POLM: variants seen among roughly 807,000 people sequenced by gnomAD.
POLM encodes the protein DNA polymerase mu, also known as DNA-directed DNA/RNA polymerase mu.
POLM carries 52 observed loss-of-function variants against 56.7 expected under a neutral mutation model. That is an observed-to-expected ratio of 0.92 (90% CI 0.73 to 1.15). The LOEUF (loss-of-function observed/expected upper bound fraction) is 1.15, where lower values mean the gene tolerates loss of function less well. Among genes scored for constraint, POLM ranks in the 50% most tolerant of loss-of-function variants. POLM has a pLI of 0.00. For missense variants in POLM, 660 were observed against 663.6 expected, an observed-to-expected ratio of 0.99 and a Z score of 0.06; for synonymous variants, 273 against 274.3, an observed-to-expected ratio of 1.00 and a Z score of 0.05.
At chr7:44,074,807 T>G (rs2096179419) in intron 6 of POLM, among the ~76,000 whole-genome samples, 1 of 152,224 alleles carries the variant, frequency 6.6e-6, no homozygotes, top group Admixed American at 6.5e-5. Context: ...CCCATGTGCC[T>G]TTTACCCAGC....
Position 44,080,774 on chromosome 7 carries a change from C to T in POLM, c.331G>A (p.Ala111Thr). 1.2e-6 allele frequency: 2 copies of T among 1,614,096 alleles called. No individual in the cohort carries two copies. Among genetic ancestry groups the T allele is most frequent in the Non-Finnish European group, 1.7e-6 (2 of 1,180,018 alleles). Residue 111 changes from alanine (A) to threonine (T), a missense_variant, in exon 2 of 11, where the codon GCT becomes ACT. Coordinates refer to ENST00000242248, the MANE Select transcript of POLM (RefSeq NM_013284.4). ...DISWLTESLG[A>T]GQPVPVECRH... ...CACTCCACAGGTACAGGCTGCCCAGCTCCCAGGCTCTCTGTTAACCAGCTT... is the reference window on the plus strand; with the variant it reads ...CACTCCACAGGTACAGGCTGCCCAGTTCCCAGGCTCTCTGTTAACCAGCTT...
chr7:44,081,744 C>CTTTT (rs1183469734), intron 1 of POLM, among the ~76,000 whole-genome samples: 2,712 of 125,322 alleles, frequency 0.022, 169 homozygotes, highest in African/African-American at 0.081. Context: ...GCAAATACGA[C>CTTTT]TTTTTTTTTT....
chr7:44,076,747 AC>A, intron 5 of POLM, 118 bp from the exon 6 acceptor site: 1 of 1,277,656 alleles, frequency 7.8e-7, no homozygotes, highest in Non-Finnish European at 1.1e-6. Flanking sequence ...CGCCGTCCCC[AC>A]TCGCAACCTG....
Position 44,074,139 on chromosome 7 carries a change from G to A in POLM, c.1063C>T (p.Gln355Ter). The A allele has an allele frequency of 1.2e-6, 2 of 1,604,450 alleles. No individual in the cohort carries two copies. Among genetic ancestry groups the A allele is most frequent in the South Asian group, 1.1e-5 (1 of 90,276 alleles). Residue 355 changes from glutamine (Q) to a stop codon, truncating the protein, a stop_gained, in exon 8 of 11, where the codon CAG (glutamine) becomes TAG (stop). Transcript: ENST00000242248. LOFTEE classifies it high-confidence loss of function. ...GLLPRVMCRL[Q>*]DQGLILYHQH... ...AGCAGGGAGGCCCTCACCTGGTCCTGCAGGCGGCACATCACTCTAGGCAGC... is the reference window on the plus strand; with the variant it reads ...AGCAGGGAGGCCCTCACCTGGTCCTACAGGCGGCACATCACTCTAGGCAGC...
chr7:44,073,047 A>G lies in POLM; in HGVS notation c.*244T>C. 1.4e-5 allele frequency: 19 copies of G among 1,402,828 alleles called. No individual in the cohort carries two copies. Among genetic ancestry groups the G allele is most frequent in the Non-Finnish European group, 1.7e-5 (18 of 1,070,626 alleles). The allele number at this position is 1,402,828 out of a possible 1,614,324, so 86.9% of individuals were successfully genotyped here. A position where few individuals can be genotyped will look rare whatever the true frequency, so the allele number is the denominator to read the frequency against. ...AGGAACGTGAGCCATGGGGAGGCTA[A>G]GAGCAGACCCAGGGTCACACAGTGA... On this transcript the variant is annotated 3_prime_UTR_variant, in exon 11 of 11. Coordinates refer to ENST00000242248, the MANE Select transcript of POLM (RefSeq NM_013284.4).
rs2096176992 is a variant in POLM, at chr7:44,074,230, C to T, written c.972G>A (p.Gly324=). ...TVTLTGGFRR[G]KLQGHDVDFL... is the part of the protein sequence containing the mutation. ...AGTCCACGTCATGGCCCTGCAACTT[C>T]CCCCTGAGGGCGTCAGTCTGACTCT... Residue 324 remains glycine (G), a synonymous_variant, in exon 8 of 11, where the codon GGG becomes GGA. Coordinates refer to ENST00000242248, the MANE Select transcript of POLM (RefSeq NM_013284.4). The T allele has an allele frequency of 1.9e-6, 3 of 1,576,322 alleles. No homozygotes were observed. The highest frequency in any genetic ancestry group is 1.9e-5 in the Admixed American group (1 of 53,726).
rs904457088 is a variant in POLM, at chr7:44,074,488, G to A, written c.878C>T (p.Ser293Phe). ...HQDLSTPVLR[S>F]DVDALQQVVE... ...CACCTGCTGCAGGGCATCTACATCG[G>A]ACCGCAGGACTGGGGTGCTCAGGTC... The change falls in exon 7 of 11, where the codon TCC becomes TTC. Residue 293 changes from serine (S) to phenylalanine (F), a missense_variant. Physicochemically the swap from Ser to Phe is radical, Grantham distance 155. Coordinates refer to ENST00000242248, the MANE Select transcript of POLM (RefSeq NM_013284.4). 8.8e-6 allele frequency: 14 copies of A among 1,598,252 alleles called. No homozygotes were observed. Among genetic ancestry groups the A allele is most frequent in the Non-Finnish European group, 1.2e-5 (14 of 1,172,976 alleles).
chr7:44,073,412 T>A (rs2096173799), intron 10 of POLM, 35 bp from the exon 11 acceptor site: 1 of 1,606,204 alleles, frequency 6.2e-7, no homozygotes, highest in African/African-American at 1.3e-5. Flanking sequence ...GACCTAGGAG[T>A]CTTGCCACTG....
rs772559667 is a variant in POLM, at chr7:44,079,755, C to A, written c.472-14G>T. On this transcript the variant is annotated splice_polypyrimidine_tract_variant and intron_variant, in intron 3 of 10. Coordinates refer to ENST00000242248, the MANE Select transcript of POLM (RefSeq NM_013284.4). The stretch of plus-strand genomic sequence containing the variant: ...CTCCAGAGCCTCCTGCAGGGAGGGG[C>A]CCTAGGTAAGGGGCAGGGTGGGCAG... 23 of 1,609,466 alleles carry A rather than the reference C, an allele frequency of 1.4e-5. 1 individual carries two copies. In the South Asian group the frequency reaches 2.2e-4, roughly 15 times the overall value.
At chr7:44,079,805 T>C (rs1451124579) in intron 3 of POLM, 56 bp downstream of exon 3, 4 of 1,611,146 alleles carry the variant, frequency 2.5e-6, no homozygotes, top group Non-Finnish European at 3.4e-6. Flanking sequence ...CTACCACCCA[T>C]CTGTACCCTT....
rs2096195137 is a variant in POLM at position 44,079,978 on chromosome 7, C to T, written c.373-19G>A. On this transcript the variant is annotated intron_variant, in intron 2 of 10. Transcript: ENST00000242248. The stretch of plus-strand genomic sequence containing the variant: ...CAGCCACCTGGGGATGGGCAATAAA[C>T]AGGTCACTGTGAGGCTGCAGGGCTG... 6.4e-7 allele frequency: 1 copy of T among 1,565,716 alleles called. No individual in the cohort carries two copies. Among genetic ancestry groups the T allele is most frequent in the African/African-American group, 1.4e-5 (1 of 73,896 alleles).
rs2096172143 is a variant in POLM, at chr7:44,072,861, T to C, written c.*430A>G. ...CTCTCAAATGCAGTGCAGGTATGCA[T>C]GGTTCTCTTCTGGGCATTCTGGGCA... On this transcript the variant is annotated 3_prime_UTR_variant, in exon 11 of 11. Coordinates refer to ENST00000242248, the MANE Select transcript of POLM (RefSeq NM_013284.4). 2.2e-6 allele frequency: 1 copy of C among 449,896 alleles called. No individual in the cohort carries two copies. Among genetic ancestry groups the C allele is most frequent in the African/African-American group, 1.9e-5 (1 of 51,614 alleles). 27.9% of individuals were successfully genotyped at this position (449,896 alleles called of 1,614,324 possible).
intron 4 of POLM, among the ~76,000 whole-genome samples, chr7:44,079,039 T>A (rs1009545512): frequency 1.3e-5 from 2 of 152,144 alleles, no homozygotes; most frequent in Non-Finnish European, 2.9e-5. Flanking sequence ...GGCTCCAGCC[T>A]CAAAGCTCCT....
In POLM at chr7:44,073,880, G is replaced by A. The variant is rs1237568714; in HGVS notation, c.1217C>T (p.Thr406Met). 15 of 1,614,120 alleles carry A rather than the reference G, an allele frequency of 9.3e-6. No individual in the cohort carries two copies. Among genetic ancestry groups the A allele is most frequent in the Middle Eastern group, 3.3e-4 (2 of 6,084 alleles). Residue 406 changes from threonine to methionine, a missense_variant, in exon 9 of 11, where the codon ACG becomes ATG. By Grantham distance (81) the Thr-to-Met change is moderately conservative. Coordinates refer to ENST00000242248, the MANE Select transcript of POLM (RefSeq NM_013284.4). ...QPPGAAVGGS[T>M]RPCPSWKAVR... The stretch of plus-strand genomic sequence containing the variant: ...GGCCTTCCAGGATGGGCAGGGCCTC[G>A]TGGATCCCCCCACAGCAGCCCCTGG...
chr7:44,074,069 G>C (rs768679954), intron 8 of POLM, 44 bp from the exon 9 acceptor site: 1 of 1,608,380 alleles, frequency 6.2e-7, no homozygotes, highest in Non-Finnish European at 8.5e-7. Flanking sequence ...CGGTGGTGTG[G>C]AGAGAGCAGG....
intron 5 of POLM, 148 bp downstream of exon 5, chr7:44,078,592 G>A (rs2096190170): frequency 1.5e-6 from 1 of 662,626 alleles, no homozygotes; most frequent in East Asian, 2.7e-5. Context: ...TCAGGTATCA[G>A]CTTAGCTGCC....
At chr7:44,079,345 G>T (rs1358627352) in intron 4 of POLM, among the ~76,000 whole-genome samples, 2 of 152,144 alleles carry the variant, frequency 1.3e-5, no homozygotes, top group Non-Finnish European at 2.9e-5. Context: ...GCCCTGCCAG[G>T]CCCCTCACAG....
chr7:44,077,897 A>T (rs558871957), intron 5 of POLM, among the ~76,000 whole-genome samples: 1 of 152,340 alleles, frequency 6.6e-6, no homozygotes, highest in East Asian at 1.9e-4. Flanking sequence ...CCACAAAGCC[A>T]GTTGGCAGAA....
chr7:44,080,236 T>A (rs1279870652), intron 2 of POLM: 1 of 541,084 alleles, frequency 1.8e-6, no homozygotes, highest in Admixed American at 2.8e-5. Flanking sequence ...ATGTACTCCA[T>A]CACCCCAATC....
Sources: gnomAD v4.1 joint callset for allele counts (sites outside exome capture counted in the v4.1 genomes callset) on GRCh38, gnomAD v4.1.1 for gene constraint, MANE v1.5 for transcripts, NCBI Gene and HGNC (gene_info 2026-07-23, HGNC 2026-07-21) for gene names.